Variants in CCDC169 observed in about 807,000 individuals in gnomAD.
CCDC169 encodes the protein coiled-coil domain containing 169.
A neutral mutation model predicts 36.0 loss-of-function variants in CCDC169; 30 were observed. That is an observed-to-expected ratio of 0.83 (90% CI 0.62 to 1.13). The LOEUF (loss-of-function observed/expected upper bound fraction) is 1.13, where lower values mean the gene tolerates loss of function less well. Ranked by LOEUF, CCDC169 falls within the 50% of genes most tolerant of loss-of-function variation. CCDC169 has a pLI of 0.00. For missense variants in CCDC169, 245 were observed against 245.9 expected (o/e 1.00, Z 0.03); for synonymous variants, 85 against 81.5 (o/e 1.04, Z -0.23).
intron 2 of CCDC169, among the ~76,000 whole-genome samples, chr13:36,286,804 C>T (rs1454420346): frequency 1.3e-5 from 2 of 152,126 alleles, no homozygotes; most frequent in African/African-American, 4.8e-5. Context: ...TGCTGAGGCT[C>T]TCCCTAAGAG....
At chr13:36,295,722 G>T in intron 2 of CCDC169, 56 bp downstream of exon 2, 1 of 896,034 alleles carries the variant, frequency 1.1e-6, no homozygotes, top group Non-Finnish European at 1.7e-6. Context: ...TAGATATCCT[G>T]GTAAAATGAA....
intron 2 of CCDC169, among the ~76,000 whole-genome samples, chr13:36,284,124 T>C (rs1490482853): frequency 6.6e-6 from 1 of 151,630 alleles, no homozygotes; most frequent in African/African-American, 2.4e-5. Flanking sequence ...TATATATATT[T>C]CAAGTTCCAA....
intron 6 of CCDC169, among the ~76,000 whole-genome samples, chr13:36,249,732 A>G (rs1872917275): frequency 8.0e-6 from 1 of 125,520 alleles, no homozygotes. Context: ...AAATATGCGA[A>G]GGGATATTAT....
chr13:36,293,241 A>G (rs548710690), intron 2 of CCDC169, among the ~76,000 whole-genome samples: 1 of 152,158 alleles, frequency 6.6e-6, no homozygotes, highest in South Asian at 2.1e-4. Flanking sequence ...ATAAACGTAA[A>G]TTCATTAGCA....
intron 4 of CCDC169, among the ~76,000 whole-genome samples, chr13:36,270,830 G>A (rs1352460071): frequency 6.6e-6 from 1 of 152,022 alleles, no homozygotes; most frequent in Non-Finnish European, 1.5e-5. Flanking sequence ...TAGAAGACAA[G>A]GTTGGAAAAA....
chr13:36,251,863 A>G (rs1873217607), intron 6 of CCDC169, among the ~76,000 whole-genome samples: 1 of 152,174 alleles, frequency 6.6e-6, no homozygotes, highest in Admixed American at 6.5e-5. Context: ...GAAACACAGG[A>G]AAGTGATATT....
chr13:36,293,581 T>C (rs769524627), intron 2 of CCDC169, among the ~76,000 whole-genome samples: 9 of 152,176 alleles, frequency 5.9e-5, no homozygotes, highest in Non-Finnish European at 1.2e-4. Context: ...TCTCTACTTA[T>C]GTCTTTTGGA....
chr13:36,245,046 T>C (rs1872335486), intron 7 of CCDC169, among the ~76,000 whole-genome samples: 1 of 152,210 alleles, frequency 6.6e-6, no homozygotes, highest in Non-Finnish European at 1.5e-5. Flanking sequence ...ACCTCATTAA[T>C]CTCCACCAAG....
intron 7 of CCDC169, chr13:36,240,585 A>G: frequency 4.8e-6 from 6 of 1,261,226 alleles, no homozygotes; most frequent in Non-Finnish European, 6.1e-6. Context: ...CCTAGTATCA[A>G]TTTCCCTCAG....
At chr13:36,237,436 A>G (rs1871223592) in intron 7 of CCDC169, among the ~76,000 whole-genome samples, 1 of 152,152 alleles carries the variant, frequency 6.6e-6, no homozygotes, top group Admixed American at 6.5e-5. Context: ...TTCCACTTCT[A>G]GGCATGCACC....
chr13:36,282,384 G>A (rs976938974), intron 4 of CCDC169: 7 of 985,202 alleles, frequency 7.1e-6, no homozygotes, highest in Middle Eastern at 1.0e-3. Flanking sequence ...TCTCTTGACT[G>A]GATATAGGAT....
At chr13:36,285,305 T>C (rs559721946) in intron 2 of CCDC169, among the ~76,000 whole-genome samples, 2 of 152,160 alleles carry the variant, frequency 1.3e-5, no homozygotes, top group East Asian at 3.9e-4. Context: ...TCCCACCATT[T>C]TGGGAGGCTG....
At chr13:36,232,083 C>A (rs561375868) in intron 7 of CCDC169, among the ~76,000 whole-genome samples, 1 of 152,114 alleles carries the variant, frequency 6.6e-6, no homozygotes, top group African/African-American at 2.4e-5. Flanking sequence ...CAGCAACAAA[C>A]GGCTGAAACT....
intron 4 of CCDC169, chr13:36,267,288 G>C (rs983792592): frequency 1.3e-5 from 2 of 152,162 alleles, no homozygotes; most frequent in African/African-American, 4.8e-5. Context: ...AGCCAGAAAA[G>C]ATAAGAGTCC....
At chr13:36,297,274 A>C (rs1381185313) in intron 1 of CCDC169, among the ~76,000 whole-genome samples, 1 of 152,232 alleles carries the variant, frequency 6.6e-6, no homozygotes, top group African/African-American at 2.4e-5. Context: ...AGAAAAAAAA[A>C]ACCCCGTATA....
At chr13:36,280,104 T>G (rs1877318469) in intron 4 of CCDC169, 1 of 152,062 alleles carries the variant, frequency 6.6e-6, no homozygotes, top group Non-Finnish European at 1.5e-5. Context: ...AAATAATGAG[T>G]AAAAGAATGA....
rs1879714422 is a variant in CCDC169 at position 36,297,728 on chromosome 13, G to GC, written c.-10dup. On this transcript the variant is annotated 5_prime_UTR_variant, in exon 1 of 8. Coordinates refer to ENST00000239859, the MANE Select transcript of CCDC169 (RefSeq NM_001144981.3). ...TTTCTCTCTTCCTTCATAGTGTCAG[G>GC]CCAGAGACCTCCCGCGTCTTTCCCC... The GC allele has an allele frequency of 6.4e-7, 1 of 1,550,722 alleles. No individual in the cohort carries two copies. Among genetic ancestry groups the GC allele is most frequent in the South Asian group, 1.2e-5 (1 of 84,060 alleles).
Position 36,282,510 on chromosome 13 carries a change from C to G in CCDC169, c.315+959G>C, listed in dbSNP as rs1594079210. 1.1e-5 allele frequency: 11 copies of G among 985,080 alleles called. No individual in the cohort carries two copies. The South Asian group carries it at 4.7e-4, about 42-fold the overall frequency. The allele number at this position is 985,080 out of a possible 1,614,324, so 61.0% of individuals were successfully genotyped here. ...CCCTCTTGGATTCATGAGTACCAAA[C>G]ACTCATGAAAGCACCTGTCCAGAGA... On this transcript the variant is annotated intron_variant, in intron 4 of 7. Transcript: ENST00000239859.
intron 2 of CCDC169, among the ~76,000 whole-genome samples, chr13:36,285,830 G>A (rs568469193): frequency 3.9e-5 from 6 of 152,184 alleles, no homozygotes; most frequent in African/African-American, 1.4e-4. Context: ...CACAGACCTT[G>A]TAACCAGCAC....
Sources: allele counts gnomAD v4.1 joint callset (sites outside exome capture counted in the v4.1 genomes callset), GRCh38; gene constraint gnomAD v4.1.1; transcripts MANE v1.5; gene names NCBI Gene and HGNC (gene_info 2026-07-23, HGNC 2026-07-21).